ADAMTS2: variants seen among roughly 807,000 people sequenced by gnomAD.
ADAMTS2 encodes A disintegrin and metalloproteinase with thrombospondin motifs 2.
ADAMTS2 carries 50 observed loss-of-function variants against 123.0 expected under a neutral mutation model. The ratio of observed to expected loss-of-function variants is 0.41; its 90% CI spans 0.32 to 0.51. The LOEUF (loss-of-function observed/expected upper bound fraction) is 0.51. ADAMTS2 is among the 20% of genes least tolerant of loss of function. The pLI is 0.35. For missense variants in ADAMTS2, 1,494 were observed against 1,705.2 expected, an observed-to-expected ratio of 0.88 and a Z score of 2.18; for synonymous variants, 678 against 695.4, an observed-to-expected ratio of 0.98 and a Z score of 0.39.
At chr5:179,153,770 T>C (rs1246896192) in intron 8 of ADAMTS2, 147 bp from the exon 9 acceptor site, 15 of 1,302,826 alleles carry the variant, frequency 1.2e-5, no homozygotes, top group Non-Finnish European at 1.5e-5. Flanking sequence ...GTTTCCCTGC[T>C]GCATCTCTTG....
At chr5:179,337,562 G>A (rs1335770772) in intron 2 of ADAMTS2, among the ~76,000 whole-genome samples, 1 of 152,254 alleles carries the variant, frequency 6.6e-6, no homozygotes, top group Non-Finnish European at 1.5e-5. Flanking sequence ...TGTGCCGGCA[G>A]CAACACAGGG....
chr5:179,259,176 C>A (rs2113484279), intron 3 of ADAMTS2, among the ~76,000 whole-genome samples: 1 of 152,296 alleles, frequency 6.6e-6, no homozygotes, highest in Non-Finnish European at 1.5e-5. Context: ...GCCACACCCC[C>A]AAACAAGCCC....
chr5:179,152,272 T>G lies in ADAMTS2; in HGVS notation c.1516-17A>C. 6.2e-7 allele frequency: 1 copy of G among 1,612,204 alleles called. No individual in the cohort carries two copies. Among genetic ancestry groups the G allele is most frequent in the South Asian group, 1.1e-5 (1 of 90,988 alleles). On this transcript the variant is annotated splice_polypyrimidine_tract_variant and intron_variant, in intron 9 of 21. Transcript: ENST00000251582. ...GGTCCGGAACTGGAAGACAGCACCA[T>G]AGCTTGCCAGGTCCCTCCCACCTCA...
At chr5:179,237,404 C>T (rs1040503897) in intron 3 of ADAMTS2, among the ~76,000 whole-genome samples, 2 of 152,236 alleles carry the variant, frequency 1.3e-5, no homozygotes, top group Non-Finnish European at 2.9e-5. Flanking sequence ...GACACAAAAT[C>T]TGCCAGCACT....
rs1764150387 is a variant in ADAMTS2, at chr5:179,185,496, C to T, written c.892-4341G>A. Among the ~76,000 whole-genome samples the T allele has an allele frequency of 6.6e-6, 1 of 152,098 alleles. No individual in the cohort carries two copies. Among genetic ancestry groups the T allele is most frequent in the South Asian group, 2.1e-4 (1 of 4,832 alleles). ...TGCCCCTCAGGACGCAAGATCTTCC[C>T]ACTCTCCTAGCCCTACCCCTGGGGC... On this transcript the variant is annotated intron_variant, in intron 4 of 21. Coordinates refer to ENST00000251582, the MANE Select transcript of ADAMTS2 (RefSeq NM_014244.5). This position sits in a 1 kb window ranked among gnomAD's most constrained non-coding sequence, Gnocchi z 5.9.
chr5:179,338,169 G>C (rs1004152786), intron 2 of ADAMTS2, among the ~76,000 whole-genome samples: 1 of 152,204 alleles, frequency 6.6e-6, no homozygotes, highest in Admixed American at 6.5e-5. Context: ...GGCTCCGGCT[G>C]AGACCAGTGC....
At chr5:179,205,442 G>A (rs1367332277) in intron 4 of ADAMTS2, among the ~76,000 whole-genome samples, 1 of 152,208 alleles carries the variant, frequency 6.6e-6, no homozygotes, top group African/African-American at 2.4e-5. Flanking sequence ...TGAAAACACT[G>A]GCCCATTTTA....
chr5:179,261,846 G>C (rs763091346), intron 3 of ADAMTS2, among the ~76,000 whole-genome samples: 2 of 152,150 alleles, frequency 1.3e-5, no homozygotes, highest in Non-Finnish European at 2.9e-5. Context: ...AAGCTGGACC[G>C]GTCCTGCTAG....
At position 179,150,973 on chromosome 5, in the gene ADAMTS2, C is replaced by T. The variant is rs375950903; in HGVS notation, c.1629+1169G>A. 10 of 188,836 alleles carry T rather than the reference C, an allele frequency of 5.3e-5. No homozygotes were observed. The East Asian group carries it at 9.7e-4, about 18-fold the overall frequency. The allele number at this position is 188,836 out of a possible 1,614,324, so 11.7% of individuals were successfully genotyped here. On this transcript the variant is annotated intron_variant, in intron 10 of 21. Coordinates refer to ENST00000251582, the MANE Select transcript of ADAMTS2 (RefSeq NM_014244.5). ...GAGCAGCGACGCGATCTTGGCTCACCGCAACCTCCGCCTCCTGGGCTCAAA... is the reference window on the plus strand; with the variant it reads ...GAGCAGCGACGCGATCTTGGCTCACTGCAACCTCCGCCTCCTGGGCTCAAA...
intron 19 of ADAMTS2, among the ~76,000 whole-genome samples, chr5:179,123,309 G>T (rs1240680330): frequency 1.3e-5 from 2 of 152,250 alleles, no homozygotes; most frequent in East Asian, 1.9e-4. Context: ...CTTGCCCAAG[G>T]AAAATTCTCC....
At position 179,270,105 on chromosome 5, in the gene ADAMTS2, C is replaced by T. The variant is rs559517137; in HGVS notation, c.688+2806G>A. On this transcript the variant is annotated intron_variant, in intron 3 of 21. Transcript: ENST00000251582. ...GCCTGTCTGTGAAATGCTTTAAAAC[C>T]GTCATTTTCTATCCGTTTCCCCCAG... 1.0e-3 allele frequency among the ~76,000 whole-genome samples: 155 copies of T among 152,312 alleles called. 2 individuals carry two copies. The Middle Eastern group carries it at 0.01, about 10-fold the overall frequency.
At chr5:179,171,525 C>T (rs1037692022) in intron 5 of ADAMTS2, among the ~76,000 whole-genome samples, 1 of 152,218 alleles carries the variant, frequency 6.6e-6, no homozygotes, top group Non-Finnish European at 1.5e-5. Flanking sequence ...CCCAGAACCC[C>T]CCAGAGAAGG....
chr5:179,320,019 C>A (rs778070102), intron 2 of ADAMTS2, among the ~76,000 whole-genome samples: 1 of 152,238 alleles, frequency 6.6e-6, no homozygotes, highest in South Asian at 2.1e-4. Context: ...GCTCCTGGAG[C>A]AGCCGGTGAT....
In ADAMTS2 at chr5:179,207,707, G is replaced by A. The variant is rs1764738152; in HGVS notation, c.697C>T (p.Leu233=). The A allele has an allele frequency of 1.2e-6, 2 of 1,611,170 alleles. No homozygotes were observed. Among genetic ancestry groups the A allele is most frequent in the Non-Finnish European group, 1.7e-6 (2 of 1,179,982 alleles). The change falls in exon 4 of 22, where the codon CTG becomes TTG. Residue 233 remains leucine (L), a synonymous_variant. Transcript: ENST00000251582. The stretch of plus-strand genomic sequence containing the variant: ...CGGCTGAGGCTGTCCAGGCTGTCCA[G>A]GGAGGCCCCTGCAAGGAGAGGACAC... ...GPQALDTGAS[L]DSLDSLSRAL... is the part of the protein sequence containing the mutation.
At chr5:179,220,841 G>T (rs1476679940) in intron 3 of ADAMTS2, among the ~76,000 whole-genome samples, 1 of 152,210 alleles carries the variant, frequency 6.6e-6, no homozygotes, top group Non-Finnish European at 1.5e-5. Flanking sequence ...GTGGGCGTGG[G>T]CCCTGCAGGG....
At chr5:179,240,969 A>G (rs1440099449) in intron 3 of ADAMTS2, among the ~76,000 whole-genome samples, 1 of 152,184 alleles carries the variant, frequency 6.6e-6, no homozygotes, top group Non-Finnish European at 1.5e-5. Flanking sequence ...CTTAACTTAC[A>G]AGGGATTTCC....
At chr5:179,201,780 C>T (rs774116314) in intron 4 of ADAMTS2, among the ~76,000 whole-genome samples, 4 of 151,878 alleles carry the variant, frequency 2.6e-5, no homozygotes, top group East Asian at 1.9e-4. Context: ...CCAGCCTGGG[C>T]GACAGAGTGA....
In ADAMTS2 at chr5:179,132,779, T is replaced by C. The variant is rs1042993657; in HGVS notation, c.2207A>G (p.His736Arg). 34 of 1,614,094 alleles carry C rather than the reference T, an allele frequency of 2.1e-5. No individual in the cohort carries two copies. Among genetic ancestry groups the C allele is most frequent in the Non-Finnish European group, 2.8e-5 (33 of 1,179,984 alleles). The change falls in exon 14 of 22, where the codon CAT becomes CGT. Residue 736 changes from histidine (H) to arginine (R), a missense_variant and splice_region_variant. His to Arg is a conservative substitution (Grantham distance 29). Coordinates refer to ENST00000251582, the MANE Select transcript of ADAMTS2 (RefSeq NM_014244.5). This position sits in a 1 kb window ranked among gnomAD's most constrained non-coding sequence, Gnocchi z 6.1. ...KGTFTRSPKK[H>R]GYIKMFEIPA... ...GTGGAGAGCAGGGACCCACTCACCA[T>C]GCTTCTTGGGTGACCGTGTGAACGT...
chr5:179,224,608 G>A (rs574883883), intron 3 of ADAMTS2, among the ~76,000 whole-genome samples: 1 of 152,362 alleles, frequency 6.6e-6, no homozygotes, highest in African/African-American at 2.4e-5. Flanking sequence ...GGGGATGAGA[G>A]GGCACACTGC....
Sources: gnomAD v4.1 joint callset for allele counts (sites outside exome capture counted in the v4.1 genomes callset) on GRCh38, gnomAD v4.1.1 for gene constraint, Gnocchi (gnomAD v3.1) non-coding constraint, MANE v1.5 for transcripts, NCBI Gene and HGNC (gene_info 2026-07-23, HGNC 2026-07-21) for gene names.